Variants in SH3PXD2B observed in about 807,000 individuals in gnomAD.
SH3PXD2B encodes the protein SH3 and PX domains 2B, also known as SH3 and PX domain-containing protein 2B.
In SH3PXD2B, 37 loss-of-function variants were observed where a neutral mutation model predicts 73.1. The observed-to-expected ratio is 0.51, with a 90% CI of 0.39 to 0.67. The LOEUF is 0.67. SH3PXD2B is among the 30% of genes least tolerant of loss of function. The pLI is 0.00. For synonymous variants in SH3PXD2B, 457 were observed against 480.5 expected (o/e 0.95, Z 0.64); for missense variants, 1,053 against 1,197.8 (o/e 0.88, Z 1.78).
chr5:172,353,058 G>A lies in SH3PXD2B; in HGVS notation c.785+830C>T, dbSNP rs1757192649. On this transcript the variant is annotated intron_variant, in intron 9 of 12. Transcript: ENST00000311601. This position sits in a 1 kb window ranked among gnomAD's most constrained non-coding sequence, Gnocchi z 4.3. ...ATCACCGTTTATGAGTTTGTCTTCTGTACCAGGTGGTGTGAGCTATTGTAT... is the reference window on the plus strand; with the variant it reads ...ATCACCGTTTATGAGTTTGTCTTCTATACCAGGTGGTGTGAGCTATTGTAT... Among the ~76,000 whole-genome samples, 1 of 152,104 alleles carries A rather than the reference G, an allele frequency of 6.6e-6. No homozygotes were observed. Among genetic ancestry groups the A allele is most frequent in the Non-Finnish European group, 1.5e-5 (1 of 68,014 alleles).
intron 10 of SH3PXD2B, among the ~76,000 whole-genome samples, chr5:172,349,859 T>C (rs1757119434): frequency 6.6e-6 from 1 of 152,018 alleles, no homozygotes; most frequent in Non-Finnish European, 1.5e-5. Flanking sequence ...CCTTTTTTTT[T>C]CTTTTTTTAA....
Position 172,379,527 on chromosome 5 carries a change from G to A in SH3PXD2B, c.401+2509C>T, listed in dbSNP as rs576778982. ...TGTGATATTTTTGTCATAGCAGGTG[G>A]AACAGACTAAGACAGTAGTCAGGCA... is the stretch of plus-strand genomic sequence containing the variant. On this transcript the variant is annotated intron_variant, in intron 5 of 12. Coordinates refer to ENST00000311601, the MANE Select transcript of SH3PXD2B (RefSeq NM_001017995.3). Among the ~76,000 whole-genome samples, 3 of 152,262 alleles carry A rather than the reference G, an allele frequency of 2.0e-5. No homozygotes were observed. The East Asian group carries it at 5.8e-4, about 29-fold the overall frequency.
intron 2 of SH3PXD2B, among the ~76,000 whole-genome samples, chr5:172,418,911 C>T (rs1446257625): frequency 6.6e-6 from 1 of 152,192 alleles, no homozygotes; most frequent in Non-Finnish European, 1.5e-5. Context: ...GAACACTGGC[C>T]TTGGGACAGG....
chr5:172,356,099 C>T (rs1314012353), intron 8 of SH3PXD2B, among the ~76,000 whole-genome samples: 1 of 152,138 alleles, frequency 6.6e-6, no homozygotes, highest in Non-Finnish European at 1.5e-5. Flanking sequence ...AACTCCCGCC[C>T]ACCGTGACTG....
intron 1 of SH3PXD2B, among the ~76,000 whole-genome samples, chr5:172,437,836 C>T (rs572085187): frequency 1.4e-4 from 21 of 152,256 alleles, no homozygotes; most frequent in African/African-American, 4.8e-4. Context: ...GAGCTGAGGG[C>T]TCCGCTTATC....
In SH3PXD2B at chr5:172,360,124, C is replaced by T. The variant is rs1425450896; in HGVS notation, c.563-1247G>A. 2.0e-5 allele frequency among the ~76,000 whole-genome samples: 3 copies of T among 152,112 alleles called. No individual in the cohort carries two copies. The East Asian group carries it at 5.8e-4, about 29-fold the overall frequency. On this transcript the variant is annotated intron_variant, in intron 7 of 12. Transcript: ENST00000311601. Reference sequence around the variant, plus strand: ...CTATTAGATAATAAATATGTGCTGTCGGCCGGGCGTGGTGGCTCATGCATG... The same window carrying T: ...CTATTAGATAATAAATATGTGCTGTTGGCCGGGCGTGGTGGCTCATGCATG...
At chr5:172,393,822 T>C (rs1380217424) in intron 4 of SH3PXD2B, among the ~76,000 whole-genome samples, 67 of 152,262 alleles carry the variant, frequency 4.4e-4, no homozygotes, top group Non-Finnish European at 2.9e-5. Context: ...GCAGGTCTCT[T>C]GTTGTTTAGG....
chr5:172,418,536 A>G (rs1301709606), intron 2 of SH3PXD2B, among the ~76,000 whole-genome samples: 1 of 152,234 alleles, frequency 6.6e-6, no homozygotes, highest in Non-Finnish European at 1.5e-5. Context: ...CTTGCCAGAC[A>G]AGAGGGAGGG....
intron 7 of SH3PXD2B, among the ~76,000 whole-genome samples, chr5:172,360,129 G>A (rs541009077): frequency 2.6e-5 from 4 of 152,130 alleles, no homozygotes; most frequent in African/African-American, 4.8e-5. Context: ...GCTGTCGGCC[G>A]GGCGTGGTGG....
Position 172,338,723 on chromosome 5 carries a change from T to G in SH3PXD2B, c.2382A>C (p.Pro794=). ...TTGGAGGGACGAGGAGAGCACGGCC[T>G]GGGGTGGGAGCTGCCCTGCTTTCGT... ...EGHESRAAPT[P]GRALLVPPKA... The change falls in exon 13 of 13, where the codon CCA becomes CCC. Residue 794 remains proline, a synonymous_variant. Transcript: ENST00000311601. The surrounding 1 kb of genome is among the most constrained non-coding windows in gnomAD (Gnocchi z 5.1). The G allele has an allele frequency of 6.2e-7, 1 of 1,614,188 alleles. No homozygotes were observed. The highest frequency in any genetic ancestry group is 8.5e-7 in the Non-Finnish European group (1 of 1,180,028).
At position 172,339,325 on chromosome 5, in the gene SH3PXD2B, T is replaced by G. The variant is rs766615424; in HGVS notation, c.1780A>C (p.Met594Leu). The G allele has an allele frequency of 6.2e-7, 1 of 1,614,172 alleles. No individual in the cohort carries two copies. Among genetic ancestry groups the G allele is most frequent in the Non-Finnish European group, 8.5e-7 (1 of 1,180,010 alleles). Residue 594 changes from methionine (M) to leucine (L), a missense_variant, in exon 13 of 13, where the codon ATG becomes CTG. Met to Leu is a conservative substitution (Grantham distance 15, BLOSUM62 2). Transcript: ENST00000311601. This position sits in a 1 kb window ranked among gnomAD's most constrained non-coding sequence, Gnocchi z 6.1. The part of the protein sequence containing the change: ...KSRLFQLKND[M>L]GLECGHKVLA... ...ACCTTGTGGCCACACTCCAGCCCCA[T>G]GTCATTTTTCAGCTGGAACAGTCTG...
intron 3 of SH3PXD2B, among the ~76,000 whole-genome samples, chr5:172,398,481 T>C (rs1326653552): frequency 1.3e-5 from 2 of 152,198 alleles, no homozygotes; most frequent in Non-Finnish European, 2.9e-5. Context: ...TTCTTCATTA[T>C]ATTGATGATA....
intron 12 of SH3PXD2B, among the ~76,000 whole-genome samples, chr5:172,340,214 C>CA (rs1756821520): frequency 6.6e-6 from 1 of 152,136 alleles, no homozygotes; most frequent in African/African-American, 2.4e-5. Flanking sequence ...AGGAAGTAGA[C>CA]AGAGAAAGAA....
At chr5:172,343,576 G>A (rs534150360) in intron 12 of SH3PXD2B, among the ~76,000 whole-genome samples, 188 of 152,180 alleles carry the variant, frequency 1.2e-3, no homozygotes, top group African/African-American at 4.3e-3. Context: ...TTAGGCGGGC[G>A]GATCACCTGA....
intron 2 of SH3PXD2B, among the ~76,000 whole-genome samples, chr5:172,420,339 T>A (rs1758932817): frequency 6.6e-6 from 1 of 152,226 alleles, no homozygotes; most frequent in Non-Finnish European, 1.5e-5. Flanking sequence ...GTAACTGGTG[T>A]CTCACTTGCT....
At chr5:172,380,432 T>C (rs1757917584) in intron 5 of SH3PXD2B, among the ~76,000 whole-genome samples, 1 of 152,190 alleles carries the variant, frequency 6.6e-6, no homozygotes, top group South Asian at 2.1e-4. Context: ...ATTTACCTTG[T>C]GTAGAAATTA....
chr5:172,409,110 G>A (rs185747352), intron 2 of SH3PXD2B, among the ~76,000 whole-genome samples: 3 of 152,188 alleles, frequency 2.0e-5, no homozygotes, highest in African/African-American at 4.8e-5. Flanking sequence ...GGCCAGGCGC[G>A]GTGGCTCACA....
intron 2 of SH3PXD2B, among the ~76,000 whole-genome samples, chr5:172,419,252 C>G (rs894179775): frequency 6.6e-6 from 1 of 152,206 alleles, no homozygotes; most frequent in African/African-American, 2.4e-5. Flanking sequence ...CCACCTTGCA[C>G]AGGGCCTGGA....
chr5:172,432,604 C>T (rs1417644918), intron 1 of SH3PXD2B, among the ~76,000 whole-genome samples: 2 of 152,098 alleles, frequency 1.3e-5, no homozygotes, highest in African/African-American at 2.4e-5. Context: ...TAGGCAAATT[C>T]GCAAACATGA....
Sources: allele counts gnomAD v4.1 joint callset (sites outside exome capture counted in the v4.1 genomes callset), GRCh38; gene constraint gnomAD v4.1.1; non-coding constraint Gnocchi (gnomAD v3.1); transcripts MANE v1.5; gene names NCBI Gene and HGNC (gene_info 2026-07-23, HGNC 2026-07-21).